The following GRM1 variants were observed in gnomAD, a reference collection of about 807,000 sequenced individuals.
GRM1 encodes metabotropic glutamate receptor 1.
Under a neutral mutation model 90.9 loss-of-function variants are expected in GRM1, and 33 were observed. That is an observed-to-expected ratio of 0.36 (90% CI 0.28 to 0.49). GRM1 has a LOEUF of 0.49. GRM1 is among the 20% of genes least tolerant of loss of function. The pLI is 0.99. For synonymous variants in GRM1, 700 were observed against 613.2 expected (o/e 1.14, Z -2.09); for missense variants, 1,190 against 1,534.3 (o/e 0.78, Z 3.75).
chr6:146,292,966 C>T (rs1236353876), intron 2 of GRM1, among the ~76,000 whole-genome samples: 4 of 151,914 alleles, frequency 2.6e-5, no homozygotes, highest in Non-Finnish European at 4.4e-5. Context: ...ATATACACCA[C>T]AAAATGGATA....
At position 146,434,135 on chromosome 6, in the gene GRM1, C is replaced by T; in HGVS notation, c.2924C>T (p.Ser975Phe). The T allele has an allele frequency of 1.2e-6, 2 of 1,614,198 alleles. No homozygotes were observed. The highest frequency in any genetic ancestry group is 1.7e-6 in the Non-Finnish European group (2 of 1,180,034). ...PIRFSPPGSP[S>F]MVVHRRVPSA... Reference sequence around the variant, plus strand: ...CGCTTTAGCCCGCCTGGTAGCCCTTCCATGGTGGTGCACAGGCGCGTGCCA... The same window carrying T: ...CGCTTTAGCCCGCCTGGTAGCCCTTTCATGGTGGTGCACAGGCGCGTGCCA... Residue 975 changes from serine to phenylalanine, a missense_variant, in exon 8 of 8, where the codon TCC becomes TTC. Physicochemically the swap from Ser to Phe is radical, Grantham distance 155 (BLOSUM62 -2). This residue lies in a region of GRM1 where 400 missense variants were observed against 360.8 expected (regional missense o/e 1.11). Coordinates refer to ENST00000282753, the MANE Select transcript of GRM1 (RefSeq NM_001278064.2).
chr6:146,424,959 G>A (rs1778144003), intron 7 of GRM1, among the ~76,000 whole-genome samples: 1 of 152,244 alleles, frequency 6.6e-6, no homozygotes, highest in Non-Finnish European at 1.5e-5. Context: ...TTTCGAGTAG[G>A]CATCTTGAAT....
rs79407314 is a variant in GRM1 at position 146,087,748 on chromosome 6, A to G, written c.700+57531A>G. ...AGTTGGCATCATGCTTCTGAAATCT[A>G]TTCAATTTGTTGCGTGCCTCAAAAG... On this transcript the variant is annotated intron_variant, in intron 1 of 7. Transcript: ENST00000282753. Among the ~76,000 whole-genome samples, 274 of 152,296 alleles carry G rather than the reference A, an allele frequency of 1.8e-3. 1 individual carries two copies. Among genetic ancestry groups the G allele is most frequent in the African/African-American group, 6.2e-3 (257 of 41,568 alleles).
intron 1 of GRM1, among the ~76,000 whole-genome samples, chr6:146,127,943 T>C (rs576885402): frequency 1.3e-5 from 2 of 152,220 alleles, no homozygotes; most frequent in East Asian, 3.9e-4. Flanking sequence ...GGCTGGGGGA[T>C]GGAATCATCA....
chr6:146,184,217 G>A (rs959828256), intron 2 of GRM1, among the ~76,000 whole-genome samples: 2 of 152,052 alleles, frequency 1.3e-5, no homozygotes, highest in African/African-American at 4.8e-5. Context: ...AGACAGAGGG[G>A]GAGATAATTA....
chr6:146,386,486 A>G (rs1776508470), intron 5 of GRM1, among the ~76,000 whole-genome samples: 1 of 152,214 alleles, frequency 6.6e-6, no homozygotes, highest in Admixed American at 6.6e-5. Context: ...TGATGAATTA[A>G]AAGGTTTTAT....
chr6:146,120,025 C>G (rs1323130972), intron 1 of GRM1, among the ~76,000 whole-genome samples: 1 of 152,118 alleles, frequency 6.6e-6, no homozygotes, highest in Admixed American at 6.5e-5. Flanking sequence ...TATAAATTAC[C>G]TTGAGCAGTA....
At chr6:146,068,361 C>T (rs1429901450) in intron 1 of GRM1, among the ~76,000 whole-genome samples, 1 of 152,190 alleles carries the variant, frequency 6.6e-6, no homozygotes, top group Non-Finnish European at 1.5e-5. Flanking sequence ...GATCCGCCCA[C>T]CTCGGCCTCC....
intron 2 of GRM1, among the ~76,000 whole-genome samples, chr6:146,212,283 GCATATAACTGATC>G (rs1779709230): frequency 6.6e-6 from 1 of 152,182 alleles, no homozygotes; most frequent in Non-Finnish European, 1.5e-5. Flanking sequence ...CAACATGTCA[GCATATAACTGATC>G]CATGTGAATA....
At chr6:146,398,726 C>T in intron 6 of GRM1, 43 bp from the exon 7 acceptor site, 1 of 1,333,974 alleles carries the variant, frequency 7.5e-7, no homozygotes, top group Non-Finnish European at 1.1e-6. Context: ...TTATTCCTAG[C>T]AGAAACCTTG....
At chr6:146,263,956 T>C (rs755032008) in intron 2 of GRM1, among the ~76,000 whole-genome samples, 1 of 152,136 alleles carries the variant, frequency 6.6e-6, no homozygotes, top group Non-Finnish European at 1.5e-5. Flanking sequence ...CTTAGAACAC[T>C]GTTCTTTGCA....
At chr6:146,348,404 T>A (rs1369366284) in intron 3 of GRM1, among the ~76,000 whole-genome samples, 1 of 152,220 alleles carries the variant, frequency 6.6e-6, no homozygotes, top group Admixed American at 6.5e-5. Flanking sequence ...TTATGTCACA[T>A]GTTCCTGCAT....
In GRM1 at chr6:146,357,642, G is replaced by A. The variant is rs1187380406; in HGVS notation, c.1550G>A (p.Ser517Asn). 3.7e-6 allele frequency: 6 copies of A among 1,613,952 alleles called. No individual in the cohort carries two copies. The East Asian group carries it at 1.3e-4, about 36-fold the overall frequency. The change falls in exon 5 of 8, where the codon AGT becomes AAT. Residue 517 changes from serine (S) to asparagine (N), a missense_variant. Coordinates refer to ENST00000282753, the MANE Select transcript of GRM1 (RefSeq NM_001278064.2). The part of the protein sequence containing the change: ...IDDYKIQMNK[S>N]GVVRSVCSEP... The stretch of plus-strand genomic sequence containing the variant: ...GATTACAAAATCCAGATGAACAAGA[G>A]TGGAGTGGTGCGGTCTGTGTGCAGT...
chr6:146,161,284 G>A (rs936917893), intron 2 of GRM1, among the ~76,000 whole-genome samples: 2 of 152,056 alleles, frequency 1.3e-5, no homozygotes, highest in Non-Finnish European at 2.9e-5. Context: ...TGTGAGCTTC[G>A]GGGCATATAG....
intron 2 of GRM1, among the ~76,000 whole-genome samples, chr6:146,220,443 G>A (rs1489373423): frequency 6.6e-6 from 1 of 152,064 alleles, no homozygotes. Context: ...GTCCACCTAT[G>A]TGCAAGAGTG....
chr6:146,202,014 T>C (rs914935665), intron 2 of GRM1, among the ~76,000 whole-genome samples: 7 of 152,220 alleles, frequency 4.6e-5, no homozygotes, highest in African/African-American at 1.2e-4. Flanking sequence ...TGAAGGACCC[T>C]GAGTGGCTGG....
At chr6:146,121,504 C>T (rs1166808448) in intron 1 of GRM1, among the ~76,000 whole-genome samples, 1 of 151,994 alleles carries the variant, frequency 6.6e-6, no homozygotes, top group Non-Finnish European at 1.5e-5. Flanking sequence ...GCTCTTGCTT[C>T]TCTAGTTCTT....
chr6:146,296,780 C>T (rs920475307), intron 2 of GRM1, among the ~76,000 whole-genome samples: 5 of 152,198 alleles, frequency 3.3e-5, no homozygotes, highest in African/African-American at 1.2e-4. Flanking sequence ...TCCTTTATTA[C>T]TTTTTCTACC....
At chr6:146,357,818 T>TC in intron 5 of GRM1, 124 bp downstream of exon 5, 1 of 744,540 alleles carries the variant, frequency 1.3e-6, no homozygotes. Flanking sequence ...AGGCTTACAG[T>TC]TTTGGCTCTT....
Sources: gnomAD v4.1 joint callset for allele counts (sites outside exome capture counted in the v4.1 genomes callset) on GRCh38, gnomAD v4.1.1 for gene constraint, gnomAD v4.1.1 regional missense constraint, MANE v1.5 for transcripts, NCBI Gene and HGNC (gene_info 2026-07-23, HGNC 2026-07-21) for gene names.